Variants in GTPBP3 observed in about 807,000 individuals in gnomAD.
GTPBP3 encodes the protein GTP binding protein 3, mitochondrial, also known as 5-taurinomethyluridine-[tRNA] synthase subunit GTPB3, mitochondrial.
In GTPBP3, 35 loss-of-function variants were observed where a neutral mutation model predicts 42.0. The observed-to-expected ratio is 0.83, with a 90% CI of 0.64 to 1.10. The LOEUF (loss-of-function observed/expected upper bound fraction) is 1.10. Among genes scored for constraint, GTPBP3 ranks in the 50% least tolerant of loss-of-function variants. The pLI is 0.00. For missense variants in GTPBP3, 691 were observed against 685.2 expected, an observed-to-expected ratio of 1.01 and a Z score of -0.09; for synonymous variants, 332 against 314.9, an observed-to-expected ratio of 1.05 and a Z score of -0.58.
chr19:17,341,490 G>C lies in GTPBP3; in HGVS notation c.1266G>C (p.Pro422=). ...TTGTCTCTTCCAGGTGTGGGGACCCGTCCACAGATCCCCCGCTGCTGACCC... is the reference window on the plus strand; with the variant it reads ...TTGTCTCTTCCAGGTGTGGGGACCCCTCCACAGATCCCCCGCTGCTGACCC... The part of the protein sequence containing the change: ...RKELAAVCGD[P]STDPPLLTRA... Residue 422 remains proline (P), a synonymous_variant, in exon 9 of 9, where the codon CCG becomes CCC. Coordinates refer to ENST00000324894, the MANE Select transcript of GTPBP3 (RefSeq NM_032620.4). The C allele has an allele frequency of 6.2e-7, 1 of 1,611,542 alleles. No individual in the cohort carries two copies. Among genetic ancestry groups the C allele is most frequent in the Non-Finnish European group, 8.5e-7 (1 of 1,178,594 alleles).
At chr19:17,335,215 A>G (rs2074356719), upstream of GTPBP3, 6 of 1,487,554 alleles carry the variant, frequency 4.0e-6, no homozygotes, top group Non-Finnish European at 5.4e-6. Context: ...GGGCTGTGAT[A>G]CATAATTACA....
In GTPBP3 at chr19:17,341,117, CT is replaced by C. The variant is rs886041488; in HGVS notation, c.1049del (p.Leu350ArgfsTer5). On this transcript the variant is annotated frameshift_variant, in exon 8 of 9. Transcript: ENST00000324894. LOFTEE classifies it high-confidence loss of function. ...GGCCTCTCCCTCCAGTTGCAACTTC[CT>C]GGCCACCGTCGTAGCCTCTGTGGGA... ...DLASPSSCNF[L>X]ATVVASVGAQ... The C allele has an allele frequency of 6.2e-7, 1 of 1,613,928 alleles. No individual in the cohort carries two copies. The highest frequency in any genetic ancestry group is 8.5e-7 in the Non-Finnish European group (1 of 1,180,022).
chr19:17,335,183 A>G (rs1479021019), upstream of GTPBP3: 7 of 1,532,598 alleles, frequency 4.6e-6, 1 homozygote, highest in Middle Eastern at 1.7e-4. Flanking sequence ...TCCTGGTGAC[A>G]ATAACTTCAA....
Position 17,338,037 on chromosome 19 carries a change from C to T in GTPBP3, c.83C>T (p.Pro28Leu), listed in dbSNP as rs754842383. Reference sequence around the variant, plus strand: ...TGCACGCGCCGGAGCAGCGGCGCACCAGCCCCCGGCTCCGGCGCCACCATC... The same window carrying T: ...TGCACGCGCCGGAGCAGCGGCGCACTAGCCCCCGGCTCCGGCGCCACCATC... ...RLCTRRSSGA[P>L]APGSGATIFA... Residue 28 changes from proline to leucine, a missense_variant, in exon 2 of 9, where the codon CCA becomes CTA. By Grantham distance (98) the Pro-to-Leu change is moderately conservative. Coordinates refer to ENST00000324894, the MANE Select transcript of GTPBP3 (RefSeq NM_032620.4). 123 of 1,597,740 alleles carry T rather than the reference C, an allele frequency of 7.7e-5. No homozygotes were observed. The highest frequency in any genetic ancestry group is 9.6e-5 in the Non-Finnish European group (113 of 1,179,436).
At position 17,339,562 on chromosome 19, in the gene GTPBP3, C is replaced by T. The variant is rs1230926576; in HGVS notation, c.937C>T (p.Pro313Ser). 3 of 1,612,264 alleles carry T rather than the reference C, an allele frequency of 1.9e-6. No homozygotes were observed. ...DTAGLREGVG[P>S]VEQEGVRRAR... Reference sequence around the variant, plus strand: ...GGCTGGGTTGCGGGAGGGCGTGGGGCCCGTGGAGCAGGAGGGCGTGCGGCG... The same window carrying T: ...GGCTGGGTTGCGGGAGGGCGTGGGGTCCGTGGAGCAGGAGGGCGTGCGGCG... Residue 313 changes from proline to serine, a missense_variant, in exon 7 of 9, where the codon CCC (proline) becomes TCC (serine). By Grantham distance (74) the Pro-to-Ser change is moderately conservative (BLOSUM62 -1). Transcript: ENST00000324894.
Position 17,341,182 on chromosome 19 carries a change from G to C in GTPBP3, c.1113G>C (p.Leu371=), listed in dbSNP as rs2074427619. Residue 371 remains leucine, a synonymous_variant, in exon 8 of 9, where the codon CTG becomes CTC. Coordinates refer to ENST00000324894, the MANE Select transcript of GTPBP3 (RefSeq NM_032620.4). ...SPSDSSQRLL[L]VLNKSDLLSP... ...GTGACAGCAGCCAGCGCCTCCTCCTGGTGCTGAACAAGTCGGACCTGCTGT... is the reference window on the plus strand; with the variant it reads ...GTGACAGCAGCCAGCGCCTCCTCCTCGTGCTGAACAAGTCGGACCTGCTGT... The C allele has an allele frequency of 6.2e-7, 1 of 1,612,186 alleles. No homozygotes were observed. The highest frequency in any genetic ancestry group is 8.5e-7 in the Non-Finnish European group (1 of 1,179,996).
In GTPBP3 at chr19:17,338,522, C is replaced by CTGGG. The variant is rs571877236; in HGVS notation, c.389-16_389-13dup. ...TGGGTGGGGACCAGGGGGTGTCAGA[C>CTGGG]TGGGACCTTCCTGCAGGCAGCGTGC... On this transcript the variant is annotated splice_polypyrimidine_tract_variant and intron_variant, in intron 3 of 8. Transcript: ENST00000324894. 3.1e-6 allele frequency: 5 copies of CTGGG among 1,612,756 alleles called. No individual in the cohort carries two copies. In the South Asian group the frequency reaches 5.5e-5, roughly 18 times the overall value.
At chr19:17,337,914 A>C (rs2074382737) in intron 1 of GTPBP3, 94 bp from the exon 2 acceptor site, 7 of 1,451,268 alleles carry the variant, frequency 4.8e-6, no homozygotes, top group African/African-American at 2.9e-5. Flanking sequence ...GAACCCCCCC[A>C]CCTGGAGCAT....
At chr19:17,338,853 T>A in intron 4 of GTPBP3, 101 bp from the exon 5 acceptor site, 2 of 1,534,394 alleles carry the variant, frequency 1.3e-6, no homozygotes, top group Non-Finnish European at 1.8e-6. Flanking sequence ...TTCCGGCCTA[T>A]GAGCCGCCAT....
At chr19:17,338,922 A>T in intron 4 of GTPBP3, 32 bp from the exon 5 acceptor site, 1 of 1,563,602 alleles carries the variant, frequency 6.4e-7, no homozygotes. Context: ...TTCTGGGTGC[A>T]CACACCACCT....
At position 17,338,203 on chromosome 19, in the gene GTPBP3, C is replaced by G; in HGVS notation, c.249C>G (p.Ser83Arg). 6.3e-7 allele frequency: 1 copy of G among 1,584,764 alleles called. No homozygotes were observed. Among genetic ancestry groups the G allele is most frequent in the Non-Finnish European group, 8.5e-7 (1 of 1,171,828 alleles). ...LARHASLRLL[S>R]DPRSGEPLDR... ...GCCACGCCAGCCTGCGCCTGCTCAG[C>G]GATCCCCGCTCCGGGGAGCCTCTGG... The change falls in exon 2 of 9, where the codon AGC (serine) becomes AGG (arginine). Residue 83 changes from serine (S) to arginine (R), a missense_variant. By Grantham distance (110) the Ser-to-Arg change is moderately radical. Transcript: ENST00000324894.
upstream of GTPBP3, chr19:17,335,051 C>A (rs2074355236): frequency 3.3e-6 from 5 of 1,536,116 alleles, no homozygotes; most frequent in East Asian, 2.4e-5. Context: ...TTCTGGTCCC[C>A]GCCTCGGAGC....
At chr19:17,341,447 CG>C (rs1190640098) in intron 8 of GTPBP3, 30 bp from the exon 9 acceptor site, 1 of 1,588,954 alleles carries the variant, frequency 6.3e-7, no homozygotes, top group Admixed American at 1.7e-5. Context: ...TGTAAAAGGT[CG>C]GGAGAGACCA....
chr19:17,337,905 A>C (rs748773577), intron 1 of GTPBP3, 103 bp from the exon 2 acceptor site: 11 of 1,342,288 alleles, frequency 8.2e-6, no homozygotes, highest in Non-Finnish European at 1.1e-5. Context: ...CCAGCCGCAG[A>C]ACCCCCCCAC....
intron 4 of GTPBP3, 33 bp downstream of exon 4, chr19:17,338,774 G>A: frequency 6.3e-7 from 1 of 1,584,878 alleles, no homozygotes. Context: ...CTCTCCCTCA[G>A]AGACCCCATC....
upstream of GTPBP3, chr19:17,337,244 T>C: frequency 4.7e-6 from 1 of 213,764 alleles, no homozygotes; most frequent in Non-Finnish European, 9.2e-6. Flanking sequence ...AGATGGAAAA[T>C]GCGGGACTCA....
At chr19:17,337,734 T>G in intron 1 of GTPBP3, 70 bp downstream of exon 1, 97 of 1,393,154 alleles carry the variant, frequency 7.0e-5, no homozygotes, top group Non-Finnish European at 8.3e-5. Context: ...TCCCTGGGTT[T>G]TAGGGGCCCA....
At position 17,338,015 on chromosome 19, in the gene GTPBP3, A is replaced by G. The variant is rs1376033790; in HGVS notation, c.61A>G (p.Thr21Ala). 2 of 1,597,394 alleles carry G rather than the reference A, an allele frequency of 1.3e-6. No individual in the cohort carries two copies. Among genetic ancestry groups the G allele is most frequent in the Non-Finnish European group, 1.7e-6 (2 of 1,179,398 alleles). ...QAARGPRRLC[T>A]RRSSGAPAPG... Reference sequence around the variant, plus strand: ...CCTCCCCTCCGGTTCCAGATTGTGCACGCGCCGGAGCAGCGGCGCACCAGC... The same window carrying G: ...CCTCCCCTCCGGTTCCAGATTGTGCGCGCGCCGGAGCAGCGGCGCACCAGC... The change falls in exon 2 of 9, where the codon ACG becomes GCG. Residue 21 changes from threonine (T) to alanine (A), a missense_variant. By Grantham distance (58) the Thr-to-Ala change is moderately conservative. Coordinates refer to ENST00000324894, the MANE Select transcript of GTPBP3 (RefSeq NM_032620.4).
rs2074436049 is a variant in GTPBP3, at chr19:17,341,797, C to T, written c.*94C>T. 9 of 1,106,104 alleles carry T rather than the reference C, an allele frequency of 8.1e-6. No individual in the cohort carries two copies. The highest frequency in any genetic ancestry group is 1.2e-5 in the Non-Finnish European group (9 of 773,124). 68.5% of individuals were successfully genotyped at this position (1,106,104 alleles called of 1,614,324 possible). On this transcript the variant is annotated 3_prime_UTR_variant, in exon 9 of 9. Transcript: ENST00000324894. ...TAGGCCAATTGGGATTCTCATTCGC[C>T]TGGGAAAGAACTTGATTCTCAAATA...
Sources: allele counts gnomAD v4.1 joint callset, GRCh38; gene constraint gnomAD v4.1.1; transcripts MANE v1.5; gene names NCBI Gene and HGNC (gene_info 2026-07-23, HGNC 2026-07-21).